The following ANP32D variants were observed in gnomAD, a reference collection of about 807,000 sequenced individuals.
The protein encoded by ANP32D is acidic leucine-rich nuclear phosphoprotein 32 family member D.
ANP32D carries 6 observed loss-of-function variants against 7.8 expected under a neutral mutation model. The observed-to-expected ratio is 0.77, with a 90% CI of 0.42 to 1.52. The LOEUF is 1.52. ANP32D is among the 40% of genes most tolerant of loss of function. The pLI, the probability that ANP32D is intolerant of heterozygous loss-of-function variation, is 0.01. For synonymous variants in ANP32D, 69 were observed against 59.7 expected, an observed-to-expected ratio of 1.16 and a Z score of -0.72; for missense variants, 163 against 145.9, an observed-to-expected ratio of 1.12 and a Z score of -0.60.
At position 48,472,646 on chromosome 12, in the gene ANP32D, T is replaced by C. The variant is rs377221100; in HGVS notation, c.-19T>C. On this transcript the variant is annotated 5_prime_UTR_variant, in exon 1 of 1. Transcript: ENST00000266594. ...TGAATTCCGCTGGCTCAGGAGCCTC[T>C]GCAGAGAAAGCGTGAGAGATGGAGA... 7 of 1,613,810 alleles carry C rather than the reference T, an allele frequency of 4.3e-6. No individual in the cohort carries two copies. In the African/African-American group the frequency reaches 6.7e-5, roughly 15 times the overall value.
chr12:48,473,312 T>C lies in ANP32D; in HGVS notation c.*252T>C, dbSNP rs747436997. On this transcript the variant is annotated 3_prime_UTR_variant, in exon 1 of 1. Coordinates refer to ENST00000266594, the MANE Select transcript of ANP32D (RefSeq NM_012404.3). The stretch of plus-strand genomic sequence containing the variant: ...AGGAGAAGGATGAAGGTTATAACAA[T>C]GGAGAGGTAGATGATGAGGAAGATG... 5.1e-6 allele frequency: 6 copies of C among 1,169,048 alleles called. No individual in the cohort carries two copies. Among genetic ancestry groups the C allele is most frequent in the Middle Eastern group, 1.9e-4 (1 of 5,198 alleles). The allele number at this position is 1,169,048 out of a possible 1,614,324, so 72.4% of individuals were successfully genotyped here.
In ANP32D at chr12:48,472,786, T is replaced by C. The variant is rs1173089722; in HGVS notation, c.122T>C (p.Phe41Ser). 2.5e-6 allele frequency: 4 copies of C among 1,614,048 alleles called. No homozygotes were observed. Among genetic ancestry groups the C allele is most frequent in the African/African-American group, 1.3e-5 (1 of 74,928 alleles). ...AAATTGGAAGGCCTCACAGATGAAT[T>C]TGAAGAACTGGAATTATTAAATACA... ...EGKLEGLTDE[F>S]EELELLNTIN... The change falls in exon 1 of 1, where the codon TTT becomes TCT. Residue 41 changes from phenylalanine (F) to serine (S), a missense_variant. Physicochemically the swap from Phe to Ser is radical, Grantham distance 155 (BLOSUM62 -2). Coordinates refer to ENST00000266594, the MANE Select transcript of ANP32D (RefSeq NM_012404.3).
Position 48,473,122 on chromosome 12 carries a change from A to C in ANP32D, c.*62A>C. Reference sequence around the variant, plus strand: ...CTCAACGGCTGTGACCCGGATGACAAGGAGGCCCCTAACTCGGATGGTGAG... The same window carrying C: ...CTCAACGGCTGTGACCCGGATGACACGGAGGCCCCTAACTCGGATGGTGAG... On this transcript the variant is annotated 3_prime_UTR_variant, in exon 1 of 1. Coordinates refer to ENST00000266594, the MANE Select transcript of ANP32D (RefSeq NM_012404.3). The C allele has an allele frequency of 4.3e-6, 7 of 1,611,802 alleles. No individual in the cohort carries two copies. Among genetic ancestry groups the C allele is most frequent in the Non-Finnish European group, 5.9e-6 (7 of 1,178,462 alleles).
In ANP32D at chr12:48,472,673, G is replaced by T. The variant is rs570410317; in HGVS notation, c.9G>T (p.Met3Ile). ME[M>I]GKWIHLELRN... ...CAGAGAAAGCGTGAGAGATGGAGAT[G>T]GGCAAATGGATTCATTTAGAGCTGC... The change falls in exon 1 of 1, where the codon ATG becomes ATT. Residue 3 changes from methionine to isoleucine, a missense_variant. By Grantham distance (10) the Met-to-Ile change is conservative. Coordinates refer to ENST00000266594, the MANE Select transcript of ANP32D (RefSeq NM_012404.3). 1 of 1,614,084 alleles carries T rather than the reference G, an allele frequency of 6.2e-7. No individual in the cohort carries two copies. Among genetic ancestry groups the T allele is most frequent in the South Asian group, 1.1e-5 (1 of 91,072 alleles).
In ANP32D at chr12:48,473,587, G is replaced by T; in HGVS notation, c.*527G>T. On this transcript the variant is annotated 3_prime_UTR_variant, in exon 1 of 1. Coordinates refer to ENST00000266594, the MANE Select transcript of ANP32D (RefSeq NM_012404.3). ...GTTGTGAGGGAAGGGAGGGGAGGAG[G>T]GGGTGGAATAAAATACTATTTTTAC... The T allele has an allele frequency of 3.4e-6, 1 of 290,086 alleles. No individual in the cohort carries two copies. The highest frequency in any genetic ancestry group is 6.7e-6 in the Non-Finnish European group (1 of 148,296). The allele number at this position is 290,086 out of a possible 1,614,324, so 18.0% of individuals were successfully genotyped here. A position where few individuals can be genotyped will look rare whatever the true frequency, so the allele number is the denominator to read the frequency against.
rs745983472 is a variant in ANP32D at position 48,472,879 on chromosome 12, G to A, written c.215G>A (p.Ser72Asn). 1.2e-6 allele frequency: 2 copies of A among 1,614,124 alleles called. No homozygotes were observed. Among genetic ancestry groups the A allele is most frequent in the South Asian group, 1.1e-5 (1 of 91,076 alleles). Reference protein sequence around the residue: ...KLNKLKKLELSSNRASVGLEV... With the variant: ...KLNKLKKLELNSNRASVGLEV... ...AACAAACTTAAGAAGCTTGAACTAA[G>A]CAGTAACAGAGCCTCAGTGGGCCTA... The change falls in exon 1 of 1, where the codon AGC becomes AAC. Residue 72 changes from serine (S) to asparagine (N), a missense_variant. Coordinates refer to ENST00000266594, the MANE Select transcript of ANP32D (RefSeq NM_012404.3).
Position 48,473,152 on chromosome 12 carries a change from T to C in ANP32D, c.*92T>C, listed in dbSNP as rs1424977022. ...GCCCCTAACTCGGATGGTGAGGGCT[T>C]TGTGGAGTGCCTGGATGACAAGGAG... On this transcript the variant is annotated 3_prime_UTR_variant, in exon 1 of 1. Coordinates refer to ENST00000266594, the MANE Select transcript of ANP32D (RefSeq NM_012404.3). The C allele has an allele frequency of 6.4e-7, 1 of 1,565,898 alleles. No individual in the cohort carries two copies. The highest frequency in any genetic ancestry group is 8.8e-7 in the Non-Finnish European group (1 of 1,137,510).
chr12:48,473,352 G>T lies in ANP32D; in HGVS notation c.*292G>T. On this transcript the variant is annotated 3_prime_UTR_variant, in exon 1 of 1. Transcript: ENST00000266594. The stretch of plus-strand genomic sequence containing the variant: ...TGAGGAAGATGAAGAAGAGCTTGGT[G>T]AAGAAGAAAGGGGTCAGAAGCGAAA... 1 of 1,138,676 alleles carries T rather than the reference G, an allele frequency of 8.8e-7. No homozygotes were observed. Among genetic ancestry groups the T allele is most frequent in the African/African-American group, 1.5e-5 (1 of 65,054 alleles). 70.5% of individuals were successfully genotyped at this position (1,138,676 alleles called of 1,614,324 possible).
At position 48,472,592 on chromosome 12, in the gene ANP32D, G is replaced by T. The variant is rs747869277; in HGVS notation, c.-73G>T. The T allele has an allele frequency of 1.9e-6, 3 of 1,570,074 alleles. No homozygotes were observed. The highest frequency in any genetic ancestry group is 1.2e-5 in the South Asian group (1 of 85,846). Reference sequence around the variant, plus strand: ...AGCAGAGCTGGTTGAGCTTTCAAATGTGCGGTTGTGGGTTCGGGGTTTATT... The same window carrying T: ...AGCAGAGCTGGTTGAGCTTTCAAATTTGCGGTTGTGGGTTCGGGGTTTATT... On this transcript the variant is annotated 5_prime_UTR_variant, in exon 1 of 1. It removes an upstream start codon present in the reference 5' UTR. Transcript: ENST00000266594.
rs1433929399 is a variant in ANP32D at position 48,473,211 on chromosome 12, G to T, written c.*151G>T. On this transcript the variant is annotated 3_prime_UTR_variant, in exon 1 of 1. Coordinates refer to ENST00000266594, the MANE Select transcript of ANP32D (RefSeq NM_012404.3). Reference sequence around the variant, plus strand: ...GGATGAGGAGGAGTATGATGAAGATGCTCAGGTAATGGAAGATGAGGAGGA... The same window carrying T: ...GGATGAGGAGGAGTATGATGAAGATTCTCAGGTAATGGAAGATGAGGAGGA... 5 of 1,273,452 alleles carry T rather than the reference G, an allele frequency of 3.9e-6. No homozygotes were observed. Among genetic ancestry groups the T allele is most frequent in the Non-Finnish European group, 5.7e-6 (5 of 877,538 alleles). 78.9% of individuals were successfully genotyped at this position (1,273,452 alleles called of 1,614,324 possible).
rs150593500 is a variant in ANP32D at position 48,472,706 on chromosome 12, G to A, written c.42G>A (p.Arg14=). 535 of 1,614,176 alleles carry A rather than the reference G, an allele frequency of 3.3e-4. 2 individuals carry two copies. The African/African-American group carries it at 6.5e-3, about 20-fold the overall frequency. Residue 14 remains arginine, a synonymous_variant, in exon 1 of 1, where the codon AGG becomes AGA. Transcript: ENST00000266594. ...GKWIHLELRN[R]TPSDVKELFL... ...GGATTCATTTAGAGCTGCGGAACAG[G>A]ACGCCCTCCGATGTGAAAGAACTTT...
rs1207054897 is a variant in ANP32D at position 48,472,922 on chromosome 12, G to A, written c.258G>A (p.Lys86=). The A allele has an allele frequency of 1.2e-6, 2 of 1,614,164 alleles. No individual in the cohort carries two copies. The highest frequency in any genetic ancestry group is 2.2e-5 in the East Asian group (1 of 44,884). ...TGGGCCTAGAAGTATTGGCAGAAAA[G>A]TGTCCAAACCTCATACATCTAAATT... is the stretch of plus-strand genomic sequence containing the variant. ...ASVGLEVLAE[K]CPNLIHLNLS... The change falls in exon 1 of 1, where the codon AAG becomes AAA. Residue 86 remains lysine, a synonymous_variant. Transcript: ENST00000266594.
In ANP32D at chr12:48,472,576, G is replaced by T. The variant is rs1162571196; in HGVS notation, c.-89G>T. The T allele has an allele frequency of 1.2e-5, 18 of 1,502,774 alleles. No homozygotes were observed. The highest frequency in any genetic ancestry group is 9.0e-5 in the East Asian group (4 of 44,312). The allele number at this position is 1,502,774 out of a possible 1,614,324, so 93.1% of individuals were successfully genotyped here. ...TACTTTCGGAGAACCCAGCAGAGCT[G>T]GTTGAGCTTTCAAATGTGCGGTTGT... On this transcript the variant is annotated 5_prime_UTR_variant, in exon 1 of 1. Coordinates refer to ENST00000266594, the MANE Select transcript of ANP32D (RefSeq NM_012404.3).
Position 48,473,480 on chromosome 12 carries a change from C to A in ANP32D, c.*420C>A, listed in dbSNP as rs1471537177. 3.3e-5 allele frequency: 15 copies of A among 452,412 alleles called. No homozygotes were observed. The highest frequency in any genetic ancestry group is 1.0e-4 in the Admixed American group (3 of 30,072). The allele number at this position is 452,412 out of a possible 1,614,324, so 28.0% of individuals were successfully genotyped here. A position where few individuals can be genotyped will look rare whatever the true frequency, so the allele number is the denominator to read the frequency against. ...CTGTTTTTAGCCGTATCCCCTCCCC[C>A]ACTCCAATCCTGCCCCCTGAAACTT... On this transcript the variant is annotated 3_prime_UTR_variant, in exon 1 of 1. Transcript: ENST00000266594.
chr12:48,473,243 TGAG>T lies in ANP32D; in HGVS notation c.*192_*194del, dbSNP rs1458340923. ...TAATGGAAGATGAGGAGGACGAGGA[TGAG>T]GAGGAGGAACGTGAAGAGGAGGACG... On this transcript the variant is annotated 3_prime_UTR_variant, in exon 1 of 1. Coordinates refer to ENST00000266594, the MANE Select transcript of ANP32D (RefSeq NM_012404.3). 8.0e-6 allele frequency: 9 copies of T among 1,123,126 alleles called. No homozygotes were observed. Among genetic ancestry groups the T allele is most frequent in the South Asian group, 5.1e-5 (4 of 77,788 alleles). 69.6% of individuals were successfully genotyped at this position (1,123,126 alleles called of 1,614,324 possible).
chr12:48,473,509 T>A lies in ANP32D; in HGVS notation c.*449T>A. On this transcript the variant is annotated 3_prime_UTR_variant, in exon 1 of 1. Coordinates refer to ENST00000266594, the MANE Select transcript of ANP32D (RefSeq NM_012404.3). ...CCAATCCTGCCCCCTGAAACTTATT[T>A]TTTTCTGATTGTAACGTTGCTGTGG... 1 of 390,376 alleles carries A rather than the reference T, an allele frequency of 2.6e-6. No individual in the cohort carries two copies. Among genetic ancestry groups the A allele is most frequent in the African/African-American group, 2.1e-5 (1 of 48,194 alleles). 24.2% of individuals were successfully genotyped at this position (390,376 alleles called of 1,614,324 possible).
chr12:48,472,865 G>A lies in ANP32D; in HGVS notation c.201G>A (p.Lys67=). The A allele has an allele frequency of 6.2e-7, 1 of 1,613,984 alleles. No individual in the cohort carries two copies. Among genetic ancestry groups the A allele is most frequent in the Non-Finnish European group, 8.5e-7 (1 of 1,179,984 alleles). ...ACTTGCCAAAGTTAAACAAACTTAA[G>A]AAGCTTGAACTAAGCAGTAACAGAG... ...IANLPKLNKL[K]KLELSSNRAS... The change falls in exon 1 of 1, where the codon AAG becomes AAA. Residue 67 remains lysine (K), a synonymous_variant. Coordinates refer to ENST00000266594, the MANE Select transcript of ANP32D (RefSeq NM_012404.3).
Position 48,473,283 on chromosome 12 carries a change from G to T in ANP32D, c.*223G>T. 1 of 1,093,394 alleles carries T rather than the reference G, an allele frequency of 9.1e-7. No homozygotes were observed. The highest frequency in any genetic ancestry group is 1.4e-6 in the Non-Finnish European group (1 of 726,710). The allele number at this position is 1,093,394 out of a possible 1,614,324, so 67.7% of individuals were successfully genotyped here. A position where few individuals can be genotyped will look rare whatever the true frequency, so the allele number is the denominator to read the frequency against. ...TGAAGAGGAGGACGTGAGTGGAGACGAGGAGGAGAAGGATGAAGGTTATAA... is the reference window on the plus strand; with the variant it reads ...TGAAGAGGAGGACGTGAGTGGAGACTAGGAGGAGAAGGATGAAGGTTATAA... On this transcript the variant is annotated 3_prime_UTR_variant, in exon 1 of 1. Coordinates refer to ENST00000266594, the MANE Select transcript of ANP32D (RefSeq NM_012404.3).
rs1329081657 is a variant in ANP32D, at chr12:48,472,979, A to C, written c.315A>C (p.Thr105=). 3 of 1,614,034 alleles carry C rather than the reference A, an allele frequency of 1.9e-6. No individual in the cohort carries two copies. In the Admixed American group the frequency reaches 5.0e-5, roughly 27 times the overall value. ...GCAACAAAATTAAAGACCTCAGCAC[A>C]ATAGAGCCCCTGAAAAAGTTAGAAA... ...LSGNKIKDLS[T]IEPLKKLENL... Residue 105 remains threonine (T), a synonymous_variant, in exon 1 of 1, where the codon ACA becomes ACC. Coordinates refer to ENST00000266594, the MANE Select transcript of ANP32D (RefSeq NM_012404.3).
Sources: gnomAD v4.1 joint callset for allele counts on GRCh38, gnomAD v4.1.1 for gene constraint, MANE v1.5 for transcripts, NCBI Gene and HGNC (gene_info 2026-07-23, HGNC 2026-07-21) for gene names.